CEP44: variants seen among roughly 807,000 people sequenced by gnomAD.
The protein encoded by CEP44 is centrosomal protein of 44 kDa.
A neutral mutation model predicts 46.7 loss-of-function variants in CEP44; 45 were observed. The ratio of observed to expected loss-of-function variants is 0.96; its 90% CI spans 0.76 to 1.24. The LOEUF (loss-of-function observed/expected upper bound fraction) is 1.24, where lower values mean the gene tolerates loss of function less well. Among genes scored for constraint, CEP44 ranks in the 50% most tolerant of loss-of-function variants. The pLI is 0.00. For missense variants in CEP44, 475 were observed against 459.7 expected (o/e 1.03, Z -0.30); for synonymous variants, 142 against 146.0 (o/e 0.97, Z 0.20).
intron 1 of CEP44, among the ~76,000 whole-genome samples, chr4:174,294,987 C>G (rs867887967): frequency 1.7e-4 from 23 of 136,972 alleles, no homozygotes; most frequent in Admixed American, 4.3e-4. Flanking sequence ...GGGGCTGACC[C>G]CCCCACCTCC....
chr4:174,290,952 T>C lies in CEP44; in HGVS notation c.-148+7009T>C, dbSNP rs994331289. Among the ~76,000 whole-genome samples, 7 of 152,192 alleles carry C rather than the reference T, an allele frequency of 4.6e-5. No homozygotes were observed. The highest frequency in any genetic ancestry group is 1.4e-4 in the African/African-American group (6 of 41,460). On this transcript the variant is annotated intron_variant, in intron 1 of 11. Transcript: ENST00000503780. This position sits in a 1 kb window ranked among gnomAD's most constrained non-coding sequence, Gnocchi z 4.3. ...GACTTAAAGTCTATTTTGTCTGATA[T>C]AGATAGCCACCCTGCTCTCTTTTGG... is the stretch of plus-strand genomic sequence containing the variant.
intron 4 of CEP44, among the ~76,000 whole-genome samples, chr4:174,302,599 G>A (rs1739862016): frequency 6.6e-6 from 1 of 151,792 alleles, no homozygotes; most frequent in African/African-American, 2.4e-5. Context: ...ATTCTTTGAG[G>A]TCTGAGAGCA....
At chr4:174,294,508 T>G (rs1211805335) in intron 1 of CEP44, among the ~76,000 whole-genome samples, 1 of 151,656 alleles carries the variant, frequency 6.6e-6, no homozygotes, top group Admixed American at 6.6e-5. Context: ...CCCCTTTCTA[T>G]TCCACAAAAC....
chr4:174,320,854 G>A (rs189416335), downstream of CEP44, among the ~76,000 whole-genome samples: 14 of 151,844 alleles, frequency 9.2e-5, no homozygotes, highest in African/African-American at 3.1e-4. Flanking sequence ...GAATGGGTAA[G>A]GGGGCAAAAC....
rs985812588 is a variant in CEP44, at chr4:174,312,290, T to G, written c.961+1432T>G. ...AGTTTTTTTTTTTTAATTTTTTAATTTTTTTGAGATAAGTGTGGTCTTACT... is the reference window on the plus strand; with the variant it reads ...AGTTTTTTTTTTTTAATTTTTTAATGTTTTTGAGATAAGTGTGGTCTTACT... On this transcript the variant is annotated intron_variant, in intron 9 of 11. Transcript: ENST00000503780. This position sits in a 1 kb window ranked among gnomAD's most constrained non-coding sequence, Gnocchi z 4.5. Among the ~76,000 whole-genome samples, 5 of 151,938 alleles carry G rather than the reference T, an allele frequency of 3.3e-5. No homozygotes were observed. Among genetic ancestry groups the G allele is most frequent in the Admixed American group, 3.3e-4 (5 of 15,244 alleles).
chr4:174,291,006 A>G (rs1167268543), intron 1 of CEP44, among the ~76,000 whole-genome samples: 1 of 152,168 alleles, frequency 6.6e-6, no homozygotes, highest in East Asian at 1.9e-4. Flanking sequence ...ATCTTTCTCA[A>G]TCCCTTCACT....
At chr4:174,303,936 G>A in intron 5 of CEP44, 87 bp downstream of exon 5, 1 of 896,652 alleles carries the variant, frequency 1.1e-6, no homozygotes, top group Non-Finnish European at 1.6e-6. Context: ...ACCCTAGACA[G>A]CAAATTATTT....
chr4:174,320,894 T>TA (rs1318059799), downstream of CEP44, among the ~76,000 whole-genome samples: 2 of 151,998 alleles, frequency 1.3e-5, no homozygotes, highest in Non-Finnish European at 2.9e-5. Context: ...GGGAGACTAT[T>TA]ACAGTAATCG....
chr4:174,284,896 T>C (rs1220186053), intron 1 of CEP44, among the ~76,000 whole-genome samples: 4 of 152,242 alleles, frequency 2.6e-5, no homozygotes, highest in African/African-American at 7.2e-5. Context: ...TTGACTGTTA[T>C]TAGAGTCAGT....
intron 9 of CEP44, among the ~76,000 whole-genome samples, chr4:174,315,852 A>C (rs1427040651): frequency 9.9e-5 from 15 of 151,616 alleles, no homozygotes; most frequent in African/African-American, 3.6e-4. Context: ...AAAAAAAAAA[A>C]AAAAAAAGAA....
chr4:174,313,464 G>A (rs1157722329), intron 9 of CEP44, among the ~76,000 whole-genome samples: 1 of 151,884 alleles, frequency 6.6e-6, no homozygotes, highest in Non-Finnish European at 1.5e-5. Flanking sequence ...GTGAGCACCT[G>A]AAGGAAGCTG....
intron 3 of CEP44, among the ~76,000 whole-genome samples, chr4:174,300,092 C>A (rs1468317307): frequency 6.6e-6 from 1 of 152,072 alleles, no homozygotes; most frequent in East Asian, 1.9e-4. Flanking sequence ...TGTCCAGGGA[C>A]AAGTCCAAGT....
intron 5 of CEP44, among the ~76,000 whole-genome samples, 157 bp downstream of exon 5, chr4:174,304,006 T>C (rs537091640): frequency 4.6e-5 from 7 of 152,342 alleles, no homozygotes; most frequent in Admixed American, 4.6e-4. Context: ...TTGTTGTTTA[T>C]TTTAAATACT....
rs1168233228 is a variant in CEP44, at chr4:174,286,456, T to C, written c.-148+2513T>C. On this transcript the variant is annotated intron_variant, in intron 1 of 11. Transcript: ENST00000503780. The surrounding 1 kb of genome is among the most constrained non-coding windows in gnomAD (Gnocchi z 5.2). Reference sequence around the variant, plus strand: ...ACTTCATTTTAATGTGATAACTTCATTTTAAAGGAGCTTCATTCTCAAAGG... The same window carrying C: ...ACTTCATTTTAATGTGATAACTTCACTTTAAAGGAGCTTCATTCTCAAAGG... Among the ~76,000 whole-genome samples, 1 of 152,234 alleles carries C rather than the reference T, an allele frequency of 6.6e-6. No homozygotes were observed. The highest frequency in any genetic ancestry group is 1.5e-5 in the Non-Finnish European group (1 of 68,028).
rs1742049234 is a variant in CEP44, at chr4:174,319,088, G to A, written c.*1705G>A. 4 of 967,114 alleles carry A rather than the reference G, an allele frequency of 4.1e-6. No individual in the cohort carries two copies. In the Admixed American group the frequency reaches 1.9e-4, roughly 45 times the overall value. The allele number at this position is 967,114 out of a possible 1,614,324, so 59.9% of individuals were successfully genotyped here. On this transcript the variant is annotated 3_prime_UTR_variant, in exon 12 of 12. Coordinates refer to ENST00000503780, the MANE Select transcript of CEP44 (RefSeq NM_001040157.3). ...TGTCCCAAAGTGCTAGATTCCATGG[G>A]TGAGTCACCATGCTTGGCCACATTT...
chr4:174,308,592 C>A, intron 6 of CEP44, 97 bp from the exon 7 acceptor site: 1 of 1,187,682 alleles, frequency 8.4e-7, no homozygotes, highest in Non-Finnish European at 1.2e-6. Flanking sequence ...ACTTGTGTAA[C>A]AAACCTGCAC....
intron 9 of CEP44, among the ~76,000 whole-genome samples, chr4:174,315,562 T>G (rs919962347): frequency 5.9e-5 from 9 of 152,144 alleles, no homozygotes; most frequent in African/African-American, 1.9e-4. Flanking sequence ...TAAAAAAATT[T>G]GTGAAATGCT....
At chr4:174,304,650 T>C (rs936423052) in intron 6 of CEP44, among the ~76,000 whole-genome samples, 1 of 152,246 alleles carries the variant, frequency 6.6e-6, no homozygotes, top group African/African-American at 2.4e-5. Flanking sequence ...GATTATCTTA[T>C]GCAGTTATCT....
Position 174,318,025 on chromosome 4 carries a change from A to G in CEP44, c.*642A>G, listed in dbSNP as rs1032674396. Reference sequence around the variant, plus strand: ...GAGGACTATGGTCTCAAGGTTCACCATGAGAAATGTGTTGAACATTTTAGT... The same window carrying G: ...GAGGACTATGGTCTCAAGGTTCACCGTGAGAAATGTGTTGAACATTTTAGT... On this transcript the variant is annotated 3_prime_UTR_variant, in exon 12 of 12. Coordinates refer to ENST00000503780, the MANE Select transcript of CEP44 (RefSeq NM_001040157.3). 1 of 985,212 alleles carries G rather than the reference A, an allele frequency of 1.0e-6. No homozygotes were observed. The highest frequency in any genetic ancestry group is 1.2e-6 in the Non-Finnish European group (1 of 829,704). The allele number at this position is 985,212 out of a possible 1,614,324, so 61.0% of individuals were successfully genotyped here. A position where few individuals can be genotyped will look rare whatever the true frequency, so the allele number is the denominator to read the frequency against.
Sources: gnomAD v4.1 joint callset for allele counts (sites outside exome capture counted in the v4.1 genomes callset) on GRCh38, gnomAD v4.1.1 for gene constraint, Gnocchi (gnomAD v3.1) non-coding constraint, MANE v1.5 for transcripts, NCBI Gene and HGNC (gene_info 2026-07-23, HGNC 2026-07-21) for gene names.